TMEM132B: variants seen among roughly 807,000 people sequenced by gnomAD.
TMEM132B encodes the protein transmembrane protein 132B.
A neutral mutation model predicts 90.8 loss-of-function variants in TMEM132B; 18 were observed. That is an observed-to-expected ratio of 0.20 (90% CI 0.14 to 0.29). The LOEUF (loss-of-function observed/expected upper bound fraction) is 0.29. Ranked by LOEUF, TMEM132B falls within the 10% of genes least tolerant of loss-of-function variation. The pLI, the probability that TMEM132B is intolerant of heterozygous loss-of-function variation, is 1.00. For missense variants in TMEM132B, 1,096 were observed against 1,326.8 expected (o/e 0.83, Z 2.70); for synonymous variants, 504 against 523.3 (o/e 0.96, Z 0.50).
In TMEM132B at chr12:125,656,165, CAT is replaced by C. The variant is rs1318922500; in HGVS notation, c.*1458_*1459del. The stretch of plus-strand genomic sequence containing the variant: ...ATTTCAGATTAGCAAAATGTGATGA[CAT>C]ATTTATTAAGATTGTATTATTGGAA... On this transcript the variant is annotated 3_prime_UTR_variant, in exon 9 of 9. Coordinates refer to ENST00000682704, the MANE Select transcript of TMEM132B (RefSeq NM_001366854.1). The C allele has an allele frequency of 6.6e-6, 1 of 152,170 alleles. No individual in the cohort carries two copies. Among genetic ancestry groups the C allele is most frequent in the African/African-American group, 2.4e-5 (1 of 41,452 alleles). 9.4% of individuals were successfully genotyped at this position (152,170 alleles called of 1,614,324 possible).
At chr12:125,299,697 C>T (rs757255741) in intron 1 of TMEM132B, among the ~76,000 whole-genome samples, 15 of 152,212 alleles carry the variant, frequency 9.9e-5, no homozygotes, top group African/African-American at 1.4e-4. Context: ...CATGTCACCA[C>T]GTCAGTGTCA....
intron 1 of TMEM132B, among the ~76,000 whole-genome samples, chr12:125,187,371 C>G (rs928553370): frequency 5.3e-5 from 8 of 152,336 alleles, no homozygotes; most frequent in Non-Finnish European, 1.2e-4. Context: ...CTCCCCACGC[C>G]CCGCGGCCCT....
At chr12:125,284,169 G>A (rs1875279501) in intron 1 of TMEM132B, among the ~76,000 whole-genome samples, 1 of 152,116 alleles carries the variant, frequency 6.6e-6, no homozygotes, top group Admixed American at 6.5e-5. Context: ...GAATTTTTCT[G>A]CATAGATGTA....
At chr12:125,311,886 T>G (rs1876133436) in intron 1 of TMEM132B, among the ~76,000 whole-genome samples, 1 of 152,182 alleles carries the variant, frequency 6.6e-6, no homozygotes, top group African/African-American at 2.4e-5. Context: ...CTCCAGGAAC[T>G]GCTAGATGAG....
At chr12:125,622,800 C>A (rs943019624) in intron 5 of TMEM132B, among the ~76,000 whole-genome samples, 2 of 152,080 alleles carry the variant, frequency 1.3e-5, no homozygotes, top group African/African-American at 4.8e-5. Context: ...GTCTCAGAGA[C>A]AAAAATGCTC....
chr12:125,548,539 G>A (rs1884144259), intron 4 of TMEM132B, among the ~76,000 whole-genome samples: 1 of 152,206 alleles, frequency 6.6e-6, no homozygotes, highest in African/African-American at 2.4e-5. Flanking sequence ...TCCCTGGTAT[G>A]AAAAGTGTGT....
chr12:125,605,177 A>C (rs1430905994), intron 5 of TMEM132B, among the ~76,000 whole-genome samples: 2 of 152,230 alleles, frequency 1.3e-5, no homozygotes, highest in African/African-American at 4.8e-5. Flanking sequence ...CCTTCTGGGC[A>C]GTCTTCCCAC....
chr12:125,328,982 G>A, intron 1 of TMEM132B, among the ~76,000 whole-genome samples: 1 of 152,164 alleles, frequency 6.6e-6, no homozygotes, highest in Non-Finnish European at 1.5e-5. Context: ...GATACTGAAT[G>A]AACCCTGTTA....
rs1441731614 is a variant in TMEM132B at position 125,462,809 on chromosome 12, A to G, written c.1106+47132A>G. Among the ~76,000 whole-genome samples the G allele has an allele frequency of 2.6e-5, 4 of 152,254 alleles. No homozygotes were observed. The East Asian group carries it at 7.7e-4, about 29-fold the overall frequency. ...CTCTGGAAGAAAACTTGACTAATCC[A>G]CAAGCAGCAACCTGTGAACTTTTGG... On this transcript the variant is annotated intron_variant, in intron 3 of 8. Coordinates refer to ENST00000682704, the MANE Select transcript of TMEM132B (RefSeq NM_001366854.1).
chr12:125,388,636 T>C (rs73424767), intron 2 of TMEM132B, among the ~76,000 whole-genome samples: 9,752 of 152,152 alleles, frequency 0.064, 986 homozygotes, highest in African/African-American at 0.22. Flanking sequence ...TTATGGCTCA[T>C]AGAACTAGTC....
chr12:125,325,667 CCCTGTGTG>C (rs1327135904), intron 1 of TMEM132B, among the ~76,000 whole-genome samples: 4 of 127,858 alleles, frequency 3.1e-5, no homozygotes, highest in African/African-American at 9.2e-5. Context: ...CTGCCTCCCA[CCCTGTGTG>C]TGTGTGTGTG....
At chr12:125,306,119 G>A (rs1565997781) in intron 1 of TMEM132B, among the ~76,000 whole-genome samples, 1 of 152,224 alleles carries the variant, frequency 6.6e-6, no homozygotes, top group Non-Finnish European at 1.5e-5. Context: ...TGGCTGCCTG[G>A]TCCAAGGAGG....
intron 4 of TMEM132B, among the ~76,000 whole-genome samples, chr12:125,566,837 T>A (rs1884669998): frequency 6.3e-4 from 2 of 3,156 alleles, no homozygotes; most frequent in Non-Finnish European, 1.1e-3. Flanking sequence ...TTCTTCTTCT[T>A]TTTTTTTTTT....
At chr12:125,598,033 T>A (rs1885484669) in intron 5 of TMEM132B, among the ~76,000 whole-genome samples, 1 of 152,190 alleles carries the variant, frequency 6.6e-6, no homozygotes, top group South Asian at 2.1e-4. Context: ...TGTGGGAGGA[T>A]TACGGAGATT....
intron 1 of TMEM132B, among the ~76,000 whole-genome samples, chr12:125,193,782 A>G (rs1362382537): frequency 6.6e-6 from 1 of 152,238 alleles, no homozygotes; most frequent in Non-Finnish European, 1.5e-5. Flanking sequence ...CACAGCAGGG[A>G]ACAAAAGAGA....
chr12:125,226,585 A>G (rs1374591605), intron 1 of TMEM132B, among the ~76,000 whole-genome samples: 2 of 152,244 alleles, frequency 1.3e-5, no homozygotes, highest in Non-Finnish European at 2.9e-5. Flanking sequence ...GGGAGAGTCC[A>G]TTAAGAAGGC....
intron 4 of TMEM132B, among the ~76,000 whole-genome samples, chr12:125,574,204 C>G (rs968717527): frequency 6.6e-6 from 1 of 151,304 alleles, no homozygotes; most frequent in Admixed American, 6.6e-5. Flanking sequence ...TTCCTTATTT[C>G]CTACATTCTT....
At chr12:125,537,767 G>T (rs989634140) in intron 4 of TMEM132B, among the ~76,000 whole-genome samples, 1 of 152,180 alleles carries the variant, frequency 6.6e-6, no homozygotes, top group South Asian at 2.1e-4. Context: ...CTAAAGCACA[G>T]AGTTAGGAAC....
chr12:125,530,386 G>A (rs1405651713), intron 4 of TMEM132B, among the ~76,000 whole-genome samples: 1 of 152,026 alleles, frequency 6.6e-6, no homozygotes, highest in African/African-American at 2.4e-5. Context: ...TCTGGTTTGG[G>A]GGTGGGAAGT....
Sources: gnomAD v4.1 joint callset for allele counts (sites outside exome capture counted in the v4.1 genomes callset) on GRCh38, gnomAD v4.1.1 for gene constraint, MANE v1.5 for transcripts, NCBI Gene and HGNC (gene_info 2026-07-23, HGNC 2026-07-21) for gene names.